Variants in ZNF493 observed in about 807,000 individuals in gnomAD.
ZNF493 encodes the protein zinc finger protein 493.
Under a neutral mutation model 12.2 loss-of-function variants are expected in ZNF493, and 11 were observed. The observed-to-expected ratio is 0.90, with a 90% CI of 0.57 to 1.50. The LOEUF (loss-of-function observed/expected upper bound fraction) is 1.50. Among genes scored for constraint, ZNF493 ranks in the 40% most tolerant of loss-of-function variants. The pLI is 0.00. For synonymous variants in ZNF493, 286 were observed against 302.6 expected, an observed-to-expected ratio of 0.95 and a Z score of 0.57; for missense variants, 950 against 906.6, an observed-to-expected ratio of 1.05 and a Z score of -0.61.
rs550296935 is a variant in ZNF493 at position 21,419,590 on chromosome 19, G to A, written c.254-3323G>A. ...CACATTTTCCTGCCTGCTTTTGTATGCTGGTTGTGCTGGCAGCTGACTAGA... is the reference window on the plus strand; with the variant it reads ...CACATTTTCCTGCCTGCTTTTGTATACTGGTTGTGCTGGCAGCTGACTAGA... On this transcript the variant is annotated intron_variant, in intron 3 of 3. Coordinates refer to ENST00000392288, the MANE Select transcript of ZNF493 (RefSeq NM_001076678.3). Among the ~76,000 whole-genome samples the A allele has an allele frequency of 5.9e-5, 9 of 152,236 alleles. No homozygotes were observed. The East Asian group carries it at 1.7e-3, about 30-fold the overall frequency.
chr19:21,419,265 G>A (rs189400282), intron 3 of ZNF493, among the ~76,000 whole-genome samples: 25 of 152,122 alleles, frequency 1.6e-4, no homozygotes, highest in African/African-American at 5.3e-4. Flanking sequence ...AGTTGGTGTT[G>A]GATAATTGAT....
Position 21,423,356 on chromosome 19 carries a change from A to G in ZNF493, c.697A>G (p.Thr233Ala). The G allele has an allele frequency of 6.2e-7, 1 of 1,613,716 alleles. No homozygotes were observed. Among genetic ancestry groups the G allele is most frequent in the Non-Finnish European group, 8.5e-7 (1 of 1,179,832 alleles). The change falls in exon 4 of 4, where the codon ACT (threonine) becomes GCT (alanine). Residue 233 changes from threonine (T) to alanine (A), a missense_variant. Transcript: ENST00000392288. Reference sequence around the variant, plus strand: ...CCTTACTAGACACAGGAGAGTTCATACTGGAGAGAAATCCTACAAATATGA... The same window carrying G: ...CCTTACTAGACACAGGAGAGTTCATGCTGGAGAGAAATCCTACAAATATGA... ...STLTRHRRVH[T>A]GEKSYKYECG... is the part of the protein sequence containing the mutation.
At position 21,407,410 on chromosome 19, in the gene ZNF493, T is replaced by A. The variant is rs1468325267; in HGVS notation, c.253+1554T>A. The A allele has an allele frequency of 7.1e-5, 11 of 154,280 alleles. No individual in the cohort carries two copies. In the South Asian group the frequency reaches 2.3e-3, roughly 32 times the overall value. 9.6% of individuals were successfully genotyped at this position (154,280 alleles called of 1,614,324 possible). ...TTCTTGCCATTCACCTGCATTAGCC[T>A]CCCGAGTAGCTGGGACTACAGGCAC... is the stretch of plus-strand genomic sequence containing the variant. On this transcript the variant is annotated intron_variant, in intron 3 of 3. Coordinates refer to ENST00000392288, the MANE Select transcript of ZNF493 (RefSeq NM_001076678.3).
chr19:21,408,651 T>G, intron 3 of ZNF493: 1 of 985,256 alleles, frequency 1.0e-6, no homozygotes, highest in Non-Finnish European at 1.2e-6. Context: ...TGCAGTTTCA[T>G]ATTAGTGGTG....
intron 3 of ZNF493, among the ~76,000 whole-genome samples, chr19:21,406,697 T>C (rs180721956): frequency 7.9e-5 from 12 of 152,288 alleles, no homozygotes; most frequent in Admixed American, 3.9e-4. Flanking sequence ...ATTCTTGAAA[T>C]ATAGTTTGAA....
At chr19:21,420,318 C>G (rs2030617784) in intron 3 of ZNF493, among the ~76,000 whole-genome samples, 1 of 151,264 alleles carries the variant, frequency 6.6e-6, no homozygotes, top group Non-Finnish European at 1.5e-5. Flanking sequence ...TTACTTCTTC[C>G]TTATTTTGTT....
chr19:21,404,224 T>C (rs1172183599), intron 1 of ZNF493, among the ~76,000 whole-genome samples: 4 of 152,202 alleles, frequency 2.6e-5, no homozygotes, highest in Non-Finnish European at 4.4e-5. Context: ...ATAGAAGATA[T>C]CTGCATTTTG....
intron 3 of ZNF493, chr19:21,413,025 A>G: frequency 2.9e-6 from 1 of 342,146 alleles, no homozygotes; most frequent in Non-Finnish European, 5.6e-6. Context: ...AGATCAGCTG[A>G]ACACAGTGTG....
Position 21,422,468 on chromosome 19 carries a change from A to ATT in ZNF493, c.254-434_254-433dup, listed in dbSNP as rs150608342. Among the ~76,000 whole-genome samples the ATT allele has an allele frequency of 4.0e-3, 531 of 132,848 alleles. 5 individuals are homozygous for ATT. Among genetic ancestry groups the ATT allele is most frequent in the South Asian group, 0.018 (76 of 4,324 alleles). The allele number at this position is 132,848 out of a possible 152,430, so 87.2% of individuals were successfully genotyped here. A position where few individuals can be genotyped will look rare whatever the true frequency, so the allele number is the denominator to read the frequency against. On this transcript the variant is annotated intron_variant, in intron 3 of 3. Coordinates refer to ENST00000392288, the MANE Select transcript of ZNF493 (RefSeq NM_001076678.3). The stretch of plus-strand genomic sequence containing the variant: ...ATTTATTTATTTATTTATTTTTATA[A>ATT]TTTTTTTTTTTTGAGATGTATTCTC...
At position 21,426,475 on chromosome 19, in the gene ZNF493, T is replaced by C. The variant is rs1358535070; in HGVS notation, c.*1491T>C. ...AGATCTTTCAGAAAATATTATCCTTTAAAGTGAAGGAGAGTATTTATATTA... is the reference window on the plus strand; with the variant it reads ...AGATCTTTCAGAAAATATTATCCTTCAAAGTGAAGGAGAGTATTTATATTA... On this transcript the variant is annotated 3_prime_UTR_variant, in exon 4 of 4. Transcript: ENST00000392288. 6.0e-6 allele frequency: 1 copy of C among 167,762 alleles called. No homozygotes were observed. The highest frequency in any genetic ancestry group is 2.1e-4 in the South Asian group (1 of 4,852). 10.4% of individuals were successfully genotyped at this position (167,762 alleles called of 1,614,324 possible).
At chr19:21,406,983 T>C (rs2030152631) in intron 3 of ZNF493, among the ~76,000 whole-genome samples, 2 of 152,168 alleles carry the variant, frequency 1.3e-5, no homozygotes, top group African/African-American at 4.8e-5. Context: ...TTTATATCTT[T>C]TATTGTTAAC....
chr19:21,413,089 AC>A (rs2030376442), intron 3 of ZNF493: 6 of 290,738 alleles, frequency 2.1e-5, no homozygotes, highest in South Asian at 1.5e-4. Context: ...CCCTTAGGAG[AC>A]CAGCTAATAA....
intron 3 of ZNF493, among the ~76,000 whole-genome samples, chr19:21,408,972 C>T (rs1225038910): frequency 6.6e-6 from 1 of 151,216 alleles, no homozygotes; most frequent in African/African-American, 2.4e-5. Context: ...GCAACCTCCT[C>T]CTCCCGGGTT....
intron 3 of ZNF493, among the ~76,000 whole-genome samples, chr19:21,420,609 A>T (rs1568382453): frequency 6.2e-4 from 6 of 9,730 alleles, no homozygotes; most frequent in African/African-American, 2.5e-3. Flanking sequence ...ATATATATAT[A>T]TATATATATA....
intron 3 of ZNF493, among the ~76,000 whole-genome samples, chr19:21,410,328 C>T (rs572545754): frequency 6.6e-6 from 1 of 152,062 alleles, no homozygotes; most frequent in South Asian, 2.1e-4. Flanking sequence ...TTTCTACTAA[C>T]AATCAACATA....
At position 21,424,801 on chromosome 19, in the gene ZNF493, AT is replaced by A. The variant is rs2030808601; in HGVS notation, c.2143del (p.Cys715ValfsTer19). On this transcript the variant is annotated frameshift_variant, in exon 4 of 4. Coordinates refer to ENST00000392288, the MANE Select transcript of ZNF493 (RefSeq NM_001076678.3). LOFTEE classifies it low-confidence loss of function (END_TRUNC). ...IIHTGEKPCK[C>X]EECGKAFNHS... ...TTCATACTGGAGAGAAACCTTGCAAATGTGAAGAATGTGGCAAAGCTTTTAA... is the reference window on the plus strand; with the variant it reads ...TTCATACTGGAGAGAAACCTTGCAAAGTGAAGAATGTGGCAAAGCTTTTAA... The A allele has an allele frequency of 7.4e-6, 12 of 1,613,488 alleles. 1 individual carries two copies. The South Asian group carries it at 1.3e-4, about 18-fold the overall frequency.
chr19:21,420,505 A>T (rs1179714219), intron 3 of ZNF493, among the ~76,000 whole-genome samples: 2 of 136,178 alleles, frequency 1.5e-5, no homozygotes, highest in Non-Finnish European at 3.1e-5. Context: ...GTGCCAATAT[A>T]CTTCTTTAGA....
chr19:21,422,458 T>TATTTTTATA (rs1555731800), intron 3 of ZNF493, among the ~76,000 whole-genome samples: 4 of 117,484 alleles, frequency 3.4e-5, no homozygotes, highest in Admixed American at 9.6e-5. Flanking sequence ...TTTATTTATT[T>TATTTTTATA]ATTTTTATAA....
rs147407631 is a variant in ZNF493 at position 21,405,236 on chromosome 19, C to T, written c.138C>T (p.Tyr46=). 4 of 1,613,488 alleles carry T rather than the reference C, an allele frequency of 2.5e-6. No individual in the cohort carries two copies. In the African/African-American group the frequency reaches 4.0e-5, roughly 16 times the overall value. ...ATAGGAAAGTGATGTTAGAGAACTA[C>T]AGAAACCTGGTCTTCTTGGGTGAGA... ...DLYRKVMLEN[Y]RNLVFLGIAV... is the part of the protein sequence containing the mutation. Residue 46 remains tyrosine, a synonymous_variant, in exon 2 of 4, where the codon TAC becomes TAT. Transcript: ENST00000392288.
Sources: allele counts gnomAD v4.1 joint callset (sites outside exome capture counted in the v4.1 genomes callset), GRCh38; gene constraint gnomAD v4.1.1; transcripts MANE v1.5; gene names NCBI Gene and HGNC (gene_info 2026-07-23, HGNC 2026-07-21).